Variants in LUZP1 observed in about 807,000 individuals in gnomAD.
LUZP1 encodes leucine zipper protein 1, also known as filamin mechanobinding actin cross-linking protein.
A neutral mutation model predicts 71.3 loss-of-function variants in LUZP1; 25 were observed. That is an observed-to-expected ratio of 0.35 (90% CI 0.26 to 0.49). The LOEUF is 0.49. Ranked by LOEUF, LUZP1 falls within the 20% of genes least tolerant of loss-of-function variation. LUZP1 has a pLI of 0.99. For synonymous variants in LUZP1, 481 were observed against 506.4 expected (o/e 0.95, Z 0.67); for missense variants, 1,142 against 1,300.8 (o/e 0.88, Z 1.88).
intron 2 of LUZP1, among the ~76,000 whole-genome samples, chr1:23,146,011 C>A (rs538373919): frequency 1.4e-4 from 21 of 152,166 alleles, no homozygotes; most frequent in Admixed American, 3.3e-4. Context: ...AATTTGAATT[C>A]TTTGTCCTCA....
chr1:23,125,738 C>A (rs1038378640), intron 2 of LUZP1, among the ~76,000 whole-genome samples: 9 of 152,146 alleles, frequency 5.9e-5, no homozygotes, highest in African/African-American at 2.2e-4. Flanking sequence ...CACAGTATAT[C>A]AGAGATTAAA....
exon 5 of LUZP1, chr1:23,088,761 G>A: frequency 7.8e-6 from 10 of 1,289,626 alleles, no homozygotes; most frequent in Non-Finnish European, 9.5e-6. Context: ...CTGAGCCACA[G>A]CCCGGCTCTA....
chr1:23,134,998 G>C (rs753996840), intron 2 of LUZP1, among the ~76,000 whole-genome samples: 19 of 151,980 alleles, frequency 1.3e-4, no homozygotes, highest in Non-Finnish European at 2.8e-4. Flanking sequence ...CCCCTGCCAT[G>C]CTTTATTAAC....
chr1:23,163,784 G>C (rs1411052231), intron 2 of LUZP1, among the ~76,000 whole-genome samples: 1 of 152,168 alleles, frequency 6.6e-6, no homozygotes, highest in Non-Finnish European at 1.5e-5. Context: ...ACAACTGAGA[G>C]TGTAATGACA....
At chr1:23,117,285 A>G (rs1255715310) in intron 2 of LUZP1, among the ~76,000 whole-genome samples, 1 of 152,168 alleles carries the variant, frequency 6.6e-6, no homozygotes, top group Admixed American at 6.5e-5. Context: ...TCACAACCTC[A>G]GTTTCCACAA....
Position 23,093,788 on chromosome 1 carries a change from G to A in LUZP1, c.474C>T (p.Leu158=), listed in dbSNP as rs150515276. The A allele has an allele frequency of 1.9e-6, 3 of 1,613,944 alleles. No homozygotes were observed. The highest frequency in any genetic ancestry group is 2.2e-5 in the East Asian group (1 of 44,872). ...ATTCTAGTTCTTTCACTTTGACTCT[G>A]AGCATTTCCAGCTCAGAGGAGATTT... The change falls in exon 4 of 5, where the codon CTC becomes CTT. Residue 158 remains leucine (L), a synonymous_variant. Transcript: ENST00000302291. This position sits in a 1 kb window ranked among gnomAD's most constrained non-coding sequence, Gnocchi z 4.2.
intron 2 of LUZP1, among the ~76,000 whole-genome samples, chr1:23,154,234 T>C (rs1462825257): frequency 1.3e-5 from 2 of 152,106 alleles, no homozygotes; most frequent in Non-Finnish European, 2.9e-5. Context: ...GTGCAAAATC[T>C]TGATTGTGGT....
At chr1:23,167,381 G>GTT (rs1644517650) in intron 2 of LUZP1, among the ~76,000 whole-genome samples, 2 of 152,170 alleles carry the variant, frequency 1.3e-5, no homozygotes, top group South Asian at 4.1e-4. Flanking sequence ...CCAAAAGGCA[G>GTT]GGAGGTCCAG....
At chr1:23,178,028 T>C (rs1004332232), upstream of LUZP1, among the ~76,000 whole-genome samples, 11 of 152,136 alleles carry the variant, frequency 7.2e-5, no homozygotes, top group African/African-American at 2.7e-4. Flanking sequence ...TTAATTCAGG[T>C]TCCTCCTTTG....
chr1:23,138,684 T>C (rs1353192417), intron 2 of LUZP1, among the ~76,000 whole-genome samples: 1 of 105,274 alleles, frequency 9.5e-6, no homozygotes, highest in African/African-American at 5.8e-5. Flanking sequence ...TGTGTGTGTG[T>C]GTGTGTGTGT....
intron 2 of LUZP1, among the ~76,000 whole-genome samples, chr1:23,153,456 C>T (rs1259814813): frequency 6.6e-6 from 1 of 152,186 alleles, no homozygotes; most frequent in African/African-American, 2.4e-5. Flanking sequence ...CTGCATGAAG[C>T]CCTCACAGAC....
intron 3 of LUZP1, among the ~76,000 whole-genome samples, chr1:23,097,473 T>C (rs535454505): frequency 4.0e-4 from 61 of 152,194 alleles, no homozygotes; most frequent in African/African-American, 1.4e-3. Context: ...ACCAAGACAG[T>C]TGAGAAATGG....
chr1:23,095,223 C>T (rs140968883), intron 3 of LUZP1, among the ~76,000 whole-genome samples: 1 of 152,224 alleles, frequency 6.6e-6, no homozygotes, highest in East Asian at 1.9e-4. Flanking sequence ...ATTTTTAAAA[C>T]AGGAGAATGG....
intron 2 of LUZP1, among the ~76,000 whole-genome samples, chr1:23,147,605 C>T (rs1335269372): frequency 1.7e-5 from 2 of 120,698 alleles, no homozygotes; most frequent in Admixed American, 1.0e-4. Context: ...AAGACCCAGT[C>T]TCTACCCAAA....
At chr1:23,092,187 T>C (rs1557626619) in exon 4 of LUZP1, 6 of 1,614,044 alleles carry the variant, frequency 3.7e-6, no homozygotes, top group Non-Finnish European at 5.1e-6. Context: ...TTTAGCCTTT[T>C]CTCTAGAGTT....
rs995107625 is a variant in LUZP1 at position 23,168,665 on chromosome 1, G to A, written c.-226+101C>T. The A allele has an allele frequency of 2.0e-5, 3 of 151,984 alleles. No homozygotes were observed. The Admixed American group carries it at 2.0e-4, about 10-fold the overall frequency. The allele number at this position is 151,984 out of a possible 1,614,324, so 9.4% of individuals were successfully genotyped here. A position where few individuals can be genotyped will look rare whatever the true frequency, so the allele number is the denominator to read the frequency against. On this transcript the variant is annotated intron_variant, in intron 2 of 4. Transcript: ENST00000302291. ...GCGCCCGCGGTTTCTTCTGCCCCGT[G>A]GCCGCGGGTGCCCCGACCTCACCCG...
chr1:23,163,236 T>TAA (rs1644483183), intron 2 of LUZP1, among the ~76,000 whole-genome samples: 1 of 86,498 alleles, frequency 1.2e-5, no homozygotes, highest in African/African-American at 4.6e-5. Context: ...TGAGACTCTC[T>TAA]CAAAAAAAAA....
chr1:23,090,826 C>T, intron 4 of LUZP1: 2 of 715,524 alleles, frequency 2.8e-6, no homozygotes, highest in Non-Finnish European at 2.6e-6. Flanking sequence ...GCCCAGAGCT[C>T]CCCATCAGCT....
In LUZP1 at chr1:23,119,011, C is replaced by T. The variant is rs78331803; in HGVS notation, c.-225-9884G>A. ...ATTACAGGTTTATCTGACACCATCT[C>T]CTAAAGAAAAAGCCACAGGTAGGTT... On this transcript the variant is annotated intron_variant, in intron 2 of 4. Transcript: ENST00000302291. Among the ~76,000 whole-genome samples, 273 of 152,256 alleles carry T rather than the reference C, an allele frequency of 1.8e-3. 7 individuals are homozygous for T. In the East Asian group the frequency reaches 0.049, roughly 27 times the overall value.
Sources: gnomAD v4.1 joint callset for allele counts (sites outside exome capture counted in the v4.1 genomes callset) on GRCh38, gnomAD v4.1.1 for gene constraint, Gnocchi (gnomAD v3.1) non-coding constraint, MANE v1.5 for transcripts, NCBI Gene and HGNC (gene_info 2026-07-23, HGNC 2026-07-21) for gene names.